Variants in REPS2 observed in about 807,000 individuals in gnomAD.
REPS2 encodes the protein ralBP1-associated Eps domain-containing protein 2.
A neutral mutation model predicts 53.6 loss-of-function variants in REPS2; 23 were observed. The observed-to-expected ratio is 0.43, with a 90% confidence interval of 0.31 to 0.61. The LOEUF (loss-of-function observed/expected upper bound fraction) is 0.61, where lower values mean the gene tolerates loss of function less well. Ranked by LOEUF, REPS2 falls within the 20% of genes least tolerant of loss-of-function variation. The probability of loss-of-function intolerance (pLI) is 0.11; values close to 1 mark genes in which losing one functional copy is unlikely to be tolerated. For synonymous variants in REPS2, 238 were observed against 218.6 expected (o/e 1.09, Z -0.78); for missense variants, 446 against 534.9 (o/e 0.83, Z 1.64).
At chrX:17,034,066 T>C in intron 5 of REPS2, among the ~76,000 whole-genome samples, 1 of 112,436 alleles carries the variant, frequency 8.9e-6, no homozygotes, top group Non-Finnish European at 1.9e-5. Context: ...ATATGCGATG[T>C]TTCCTTTTTT....
intron 16 of REPS2, 60 bp downstream of exon 16, chrX:17,135,466 A>G: frequency 8.9e-7 from 1 of 1,122,609 alleles, no homozygotes; most frequent in African/African-American, 1.8e-5. Flanking sequence ...GTCGACGGAT[A>G]TGTAAATGTG....
intron 15 of REPS2, among the ~76,000 whole-genome samples, chrX:17,134,830 G>A (rs1325827554): frequency 9.1e-6 from 1 of 110,288 alleles, no homozygotes; most frequent in East Asian, 2.9e-4. Flanking sequence ...CACCGTGTTA[G>A]CCAGGATGGT....
In REPS2 at chrX:16,951,559, A is replaced by ACACACACACACACACAC. The variant is rs879259718; in HGVS notation, c.273+4426_273+4427insACACACACACACACACC. ...CACACACACACACACACACACACAC[A>ACACACACACACACACAC]CCCCCGCTACCTACCTCTCTCTGGG... On this transcript the variant is annotated intron_variant, in intron 1 of 17. Coordinates refer to ENST00000357277, the MANE Select transcript of REPS2 (RefSeq NM_004726.3). 2.3e-3 allele frequency among the ~76,000 whole-genome samples: 87 copies of ACACACACACACACACAC among 37,506 alleles called. 6 individuals carry two copies. The highest frequency in any genetic ancestry group is 7.2e-3 in the East Asian group (8 of 1,106). The allele number at this position is 37,506 out of a possible 115,157, so 32.6% of individuals were successfully genotyped here. A position where few individuals can be genotyped will look rare whatever the true frequency, so the allele number is the denominator to read the frequency against.
intron 9 of REPS2, among the ~76,000 whole-genome samples, chrX:17,064,898 G>A (rs991874344): frequency 1.2e-4 from 13 of 112,182 alleles, no homozygotes; most frequent in Non-Finnish European, 2.1e-4. Flanking sequence ...TTTTGTGACC[G>A]TATTCTTTCA....
At chrX:16,993,070 A>G (rs2061182569) in intron 1 of REPS2, among the ~76,000 whole-genome samples, 1 of 112,013 alleles carries the variant, frequency 8.9e-6, no homozygotes, top group African/African-American at 3.2e-5. Context: ...TAAGAGATCC[A>G]AGGGGCCTGA....
chrX:17,117,858 C>A, intron 14 of REPS2, among the ~76,000 whole-genome samples: 1 of 109,655 alleles, frequency 9.1e-6, no homozygotes, highest in Non-Finnish European at 1.9e-5. Flanking sequence ...ACAATGACTT[C>A]CACAATGGTT....
intron 8 of REPS2, among the ~76,000 whole-genome samples, chrX:17,060,649 G>A (rs2062146745): frequency 9.0e-6 from 1 of 111,111 alleles, no homozygotes. Flanking sequence ...TTCTGGGAAG[G>A]GGGAACAGCA....
rs58530978 is a variant in REPS2, at chrX:17,093,166, CTA to C, written c.1517-10519_1517-10518del. Among the ~76,000 whole-genome samples, 29 of 39,104 alleles carry C rather than the reference CTA, an allele frequency of 7.4e-4. 1 individual carries two copies. Among genetic ancestry groups the C allele is most frequent in the South Asian group, 6.6e-3 (3 of 458 alleles). The allele number at this position is 39,104 out of a possible 115,157, so 34.0% of individuals were successfully genotyped here. On this transcript the variant is annotated intron_variant, in intron 13 of 17. Coordinates refer to ENST00000357277, the MANE Select transcript of REPS2 (RefSeq NM_004726.3). ...ACAAGGAAAAATGCATGAGTTAATG[CTA>C]TATATATATATATATATATATATAT...
chrX:17,190,441 G>A, the REPS2 span, among the ~76,000 whole-genome samples: 3 of 112,012 alleles, frequency 2.7e-5, no homozygotes, highest in African/African-American at 9.7e-5. Context: ...TATGCTAAAG[G>A]CTACAACACA....
At chrX:17,042,535 CAT>C (rs774921218) in intron 5 of REPS2, among the ~76,000 whole-genome samples, 6 of 111,411 alleles carry the variant, frequency 5.4e-5, no homozygotes, top group African/African-American at 1.6e-4. Flanking sequence ...CAAACAGACT[CAT>C]AGGCTTCCTT....
At chrX:17,010,486 A>G (rs990650357) in intron 2 of REPS2, among the ~76,000 whole-genome samples, 5 of 111,605 alleles carry the variant, frequency 4.5e-5, no homozygotes, top group African/African-American at 9.8e-5. Context: ...CTGCAGGGCA[A>G]TCTCCTCCCC....
At chrX:17,097,510 T>C (rs1455276202) in intron 13 of REPS2, among the ~76,000 whole-genome samples, 2 of 111,933 alleles carry the variant, frequency 1.8e-5, no homozygotes, top group Non-Finnish European at 3.8e-5. Flanking sequence ...AGCTACAAAT[T>C]AGTGAACTAA....
intron 13 of REPS2, among the ~76,000 whole-genome samples, chrX:17,096,505 A>C (rs1487607386): frequency 9.5e-6 from 1 of 104,885 alleles, no homozygotes. Flanking sequence ...TAAAAATACA[A>C]AAAAATTAGC....
chrX:16,960,988 A>T (rs1002497828), intron 1 of REPS2, among the ~76,000 whole-genome samples: 2 of 112,682 alleles, frequency 1.8e-5, no homozygotes, highest in African/African-American at 6.4e-5. Context: ...ATGTTTATGC[A>T]TTGGAAAAAT....
intron 5 of REPS2, among the ~76,000 whole-genome samples, chrX:17,030,087 G>A (rs1249330087): frequency 8.9e-6 from 1 of 112,502 alleles, no homozygotes; most frequent in Non-Finnish European, 1.9e-5. Context: ...TAGACCAAGA[G>A]AACAGTTATT....
At chrX:16,956,576 G>T (rs1242107356) in intron 1 of REPS2, among the ~76,000 whole-genome samples, 2 of 112,099 alleles carry the variant, frequency 1.8e-5, no homozygotes, top group Non-Finnish European at 3.8e-5. Flanking sequence ...ATGGTCAGGA[G>T]TGAGATTCCC....
chrX:17,072,596 T>C (rs1238144585), intron 11 of REPS2, among the ~76,000 whole-genome samples: 1 of 112,507 alleles, frequency 8.9e-6, no homozygotes, highest in Non-Finnish European at 1.9e-5. Flanking sequence ...ATGGTCTGAT[T>C]TGGGGAACAG....
chrX:17,159,339 T>C, the REPS2 span, among the ~76,000 whole-genome samples: 14 of 111,799 alleles, frequency 1.3e-4, no homozygotes, highest in African/African-American at 4.6e-4. Flanking sequence ...TCCCAAACTC[T>C]GGTTCTAGTC....
In REPS2 at chrX:17,152,200, G is replaced by A. The variant is rs1339725870; in HGVS notation, c.*4719G>A. On this transcript the variant is annotated 3_prime_UTR_variant, in exon 18 of 18. Transcript: ENST00000357277. ...CCTCTTCTAAAAAAGGCTTTTGGAG[G>A]CTGTGTTACATGCATGCCCTAAAGC... 1 of 112,061 alleles carries A rather than the reference G, an allele frequency of 8.9e-6. No individual in the cohort carries two copies. Among genetic ancestry groups the A allele is most frequent in the East Asian group, 2.8e-4 (1 of 3,584 alleles). The allele number at this position is 112,061 out of a possible 1,213,427, so 9.2% of individuals were successfully genotyped here.
Sources: allele counts gnomAD v4.1 joint callset (sites outside exome capture counted in the v4.1 genomes callset), GRCh38; gene constraint gnomAD v4.1.1; transcripts MANE v1.5; gene names NCBI Gene and HGNC (gene_info 2026-07-23, HGNC 2026-07-21).